The following ARHGAP6 variants were observed in gnomAD, a reference collection of about 807,000 sequenced individuals.
ARHGAP6 encodes the protein rho GTPase-activating protein 6.
ARHGAP6 carries 16 observed loss-of-function variants against 55.7 expected under a neutral mutation model. The observed-to-expected ratio is 0.29, with a 90% CI of 0.19 to 0.44. ARHGAP6 has a LOEUF of 0.44. ARHGAP6 is among the 20% of genes least tolerant of loss of function. The pLI, the probability that ARHGAP6 is intolerant of heterozygous loss-of-function variation, is 1.00. For synonymous variants in ARHGAP6, 382 were observed against 360.9 expected (o/e 1.06, Z -0.66); for missense variants, 698 against 808.9 (o/e 0.86, Z 1.66).
At chrX:11,373,387 T>TA (rs35422748) in intron 1 of ARHGAP6, among the ~76,000 whole-genome samples, 2,210 of 105,937 alleles carry the variant, frequency 0.021, 28 homozygotes, top group Middle Eastern at 0.067. Context: ...AGACATTGTT[T>TA]AAAAAAAAAA....
chrX:11,206,231 A>T (rs140499408), intron 2 of ARHGAP6, among the ~76,000 whole-genome samples: 1,173 of 111,684 alleles, frequency 0.011, 21 homozygotes, highest in African/African-American at 0.035. Context: ...GATGATTGCA[A>T]CTGTAATGTC....
At chrX:11,457,467 T>G (rs2050204252) in intron 1 of ARHGAP6, among the ~76,000 whole-genome samples, 1 of 111,534 alleles carries the variant, frequency 9.0e-6, no homozygotes, top group Non-Finnish European at 1.9e-5. Context: ...AAACCTGCCC[T>G]TCTCTCTAGA....
intron 1 of ARHGAP6, among the ~76,000 whole-genome samples, chrX:11,375,838 T>C (rs2049194268): frequency 8.9e-6 from 1 of 111,757 alleles, no homozygotes; most frequent in Non-Finnish European, 1.9e-5. Flanking sequence ...GACTCAATGT[T>C]GTGTAAAAAT....
At chrX:11,611,690 C>T (rs1455247115) in intron 1 of ARHGAP6, among the ~76,000 whole-genome samples, 1 of 111,891 alleles carries the variant, frequency 8.9e-6, no homozygotes, top group Non-Finnish European at 1.9e-5. Context: ...AGTAAATCCC[C>T]TCTTTACAAT....
At position 11,186,345 on chromosome X, in the gene ARHGAP6, C is replaced by A; in HGVS notation, c.1164G>T (p.Glu388Asp). 1.7e-6 allele frequency: 2 copies of A among 1,211,021 alleles called. No individual in the cohort carries two copies. Among genetic ancestry groups the A allele is most frequent in the Non-Finnish European group, 2.2e-6 (2 of 895,099 alleles). The change falls in exon 5 of 13, where the codon GAG becomes GAT. Residue 388 changes from glutamate (E) to aspartate (D), a missense_variant. Glu to Asp is a conservative substitution (Grantham distance 45). Around this residue, in one of 3 missense-constraint regions of ARHGAP6, gnomAD observed 322 missense variants for 451.1 expected, o/e 0.71. Transcript: ENST00000337414. ...LEALQLSLPA[E>D]AQSKKEKARD... ...TGGCTTTTTCCTTTTTACTTTGAGC[C>A]TCAGCAGGCAAGGAAAGTTGTAAAG...
chrX:11,662,054 C>G (rs1272397041), intron 1 of ARHGAP6, among the ~76,000 whole-genome samples: 1 of 112,048 alleles, frequency 8.9e-6, no homozygotes, highest in Non-Finnish European at 1.9e-5. Context: ...CAGAAAAGTT[C>G]AAGAACCAAA....
intron 2 of ARHGAP6, among the ~76,000 whole-genome samples, chrX:11,208,330 G>C (rs2046738314): frequency 9.0e-6 from 1 of 111,194 alleles, no homozygotes; most frequent in Non-Finnish European, 1.9e-5. Context: ...TCCTGGCATA[G>C]TGACTTCGAC....
At chrX:11,635,037 T>G (rs1179279237) in intron 1 of ARHGAP6, among the ~76,000 whole-genome samples, 1 of 110,880 alleles carries the variant, frequency 9.0e-6, no homozygotes, top group Non-Finnish European at 1.9e-5. Context: ...TTGCTGGCTG[T>G]TAGCCAGAGG....
chrX:11,636,178 G>A (rs147148166), intron 1 of ARHGAP6, among the ~76,000 whole-genome samples: 1,322 of 110,735 alleles, frequency 0.012, 20 homozygotes, highest in African/African-American at 0.041. Context: ...TATTAATAGC[G>A]CCTCTTTTCA....
intron 5 of ARHGAP6, among the ~76,000 whole-genome samples, chrX:11,183,001 T>C (rs186969911): frequency 3.6e-5 from 4 of 111,703 alleles, no homozygotes; most frequent in Admixed American, 2.9e-4. Flanking sequence ...ATATATAATA[T>C]CTATTGACAG....
chrX:11,577,130 A>G (rs2051608595), intron 1 of ARHGAP6, among the ~76,000 whole-genome samples: 1 of 112,288 alleles, frequency 8.9e-6, no homozygotes, highest in African/African-American at 3.2e-5. Context: ...TCCTTAATTT[A>G]ATCTGCATCT....
At position 11,573,937 on chromosome X, in the gene ARHGAP6, T is replaced by C. The variant is rs781557201; in HGVS notation, c.588+90304A>G. 5.4e-5 allele frequency among the ~76,000 whole-genome samples: 6 copies of C among 111,737 alleles called. No homozygotes were observed. In the East Asian group the frequency reaches 1.7e-3, roughly 31 times the overall value. On this transcript the variant is annotated intron_variant, in intron 1 of 12. Transcript: ENST00000337414. ...AGTTGAATTCCTAGGTATTTTATTC[T>C]CTTTGAAGCAATTGTGAATGGGAGT...
rs138508445 is a variant in ARHGAP6 at position 11,428,744 on chromosome X, G to A, written c.589-174037C>T. Among the ~76,000 whole-genome samples the A allele has an allele frequency of 3.9e-3, 436 of 111,774 alleles. 1 individual carries two copies. Among genetic ancestry groups the A allele is most frequent in the African/African-American group, 0.014 (419 of 30,732 alleles). On this transcript the variant is annotated intron_variant, in intron 1 of 12. Transcript: ENST00000337414. ...GGGGAGGAAAGTTGGATGTGGCCCCGGAATTTCAGCCCTTACAATTTAGTT... is the reference window on the plus strand; with the variant it reads ...GGGGAGGAAAGTTGGATGTGGCCCCAGAATTTCAGCCCTTACAATTTAGTT...
intron 1 of ARHGAP6, among the ~76,000 whole-genome samples, chrX:11,477,580 T>C (rs182513015): frequency 1.8e-5 from 2 of 112,266 alleles, no homozygotes; most frequent in East Asian, 5.6e-4. Flanking sequence ...GTTTTCATAA[T>C]AGCACAAAAC....
chrX:11,518,876 T>C (rs763462729), intron 1 of ARHGAP6, among the ~76,000 whole-genome samples: 1,012 of 87,437 alleles, frequency 0.012, 23 homozygotes, highest in African/African-American at 0.04. Context: ...TGAGTGAGAA[T>C]ATGCAGTGTT....
At chrX:11,226,399 C>T (rs2047051011) in intron 2 of ARHGAP6, among the ~76,000 whole-genome samples, 1 of 111,105 alleles carries the variant, frequency 9.0e-6, no homozygotes. Context: ...CATTGGTGGA[C>T]ATTTGGGTTG....
At chrX:11,453,181 G>A (rs746640107) in intron 1 of ARHGAP6, among the ~76,000 whole-genome samples, 363 of 90,560 alleles carry the variant, frequency 4.0e-3, no homozygotes, top group African/African-American at 0.014. Context: ...TGTGGAATTG[G>A]CTCTCTCTCT....
At chrX:11,631,230 A>T (rs1158703085) in intron 1 of ARHGAP6, among the ~76,000 whole-genome samples, 1 of 111,403 alleles carries the variant, frequency 9.0e-6, no homozygotes, top group Non-Finnish European at 1.9e-5. Context: ...TCTTCCCTCA[A>T]AAAGGTAAAA....
intron 1 of ARHGAP6, among the ~76,000 whole-genome samples, chrX:11,523,016 C>T (rs1337374971): frequency 1.8e-5 from 2 of 111,694 alleles, no homozygotes; most frequent in East Asian, 2.8e-4. Flanking sequence ...TCCAGCAGCA[C>T]ATCAAGAAGC....
Sources: gnomAD v4.1 joint callset for allele counts (sites outside exome capture counted in the v4.1 genomes callset) on GRCh38, gnomAD v4.1.1 for gene constraint, gnomAD v4.1.1 regional missense constraint, MANE v1.5 for transcripts, NCBI Gene and HGNC (gene_info 2026-07-23, HGNC 2026-07-21) for gene names.